SCML1: variants seen among roughly 807,000 people sequenced by gnomAD.
SCML1 encodes sex comb on midleg-like protein 1.
For synonymous variants in SCML1, 104 were observed against 103.6 expected, an observed-to-expected ratio of 1.00 and a Z score of -0.02; for missense variants, 137 against 258.1, an observed-to-expected ratio of 0.53 and a Z score of 3.22.
Position 17,747,182 on chromosome X carries a change from C to T in SCML1, c.198+1084C>T, listed in dbSNP as rs750180958. Among the ~76,000 whole-genome samples the T allele has an allele frequency of 8.1e-5, 9 of 111,743 alleles. No homozygotes were observed. The Admixed American group carries it at 8.5e-4, about 11-fold the overall frequency. ...CCTCATAACTGTCCCCACAGCCAAC[C>T]AACTGCCCTCATCCCTGCCCTTCTT... On this transcript the variant is annotated intron_variant, in intron 4 of 7. Coordinates refer to ENST00000380041, the MANE Select transcript of SCML1 (RefSeq NM_001037540.3).
intron 1 of SCML1, among the ~76,000 whole-genome samples, chrX:17,739,848 CAAAAAAAA>C (rs747850155): frequency 3.0e-5 from 1 of 32,875 alleles, no homozygotes; most frequent in South Asian, 2.0e-3. Context: ...GACTCTGTCT[CAAAAAAAA>C]AAAAAAAAAA....
intron 1 of SCML1, among the ~76,000 whole-genome samples, chrX:17,740,048 A>G (rs1182174978): frequency 9.0e-6 from 1 of 111,220 alleles, no homozygotes; most frequent in Non-Finnish European, 1.9e-5. Flanking sequence ...AGGAATTAAA[A>G]TTTATGGTGT....
Position 17,754,050 on chromosome X carries a change from A to G in SCML1, c.*658A>G, listed in dbSNP as rs774681843. 1 of 112,010 alleles carries G rather than the reference A, an allele frequency of 8.9e-6. No individual in the cohort carries two copies. Among genetic ancestry groups the G allele is most frequent in the East Asian group, 2.8e-4 (1 of 3,594 alleles). The allele number at this position is 112,010 out of a possible 1,213,427, so 9.2% of individuals were successfully genotyped here. The stretch of plus-strand genomic sequence containing the variant: ...AGAATGGTTATTTTATGCAAGAAAT[A>G]TTGTACCGCAAGGGTGGTTTGGATG... On this transcript the variant is annotated 3_prime_UTR_variant, in exon 8 of 8. Coordinates refer to ENST00000380041, the MANE Select transcript of SCML1 (RefSeq NM_001037540.3).
intron 1 of SCML1, among the ~76,000 whole-genome samples, chrX:17,740,571 G>A (rs910783555): frequency 2.7e-5 from 3 of 111,515 alleles, no homozygotes; most frequent in Non-Finnish European, 5.6e-5. Context: ...GGGGAGGTGG[G>A]ACCCAAACCC....
chrX:17,753,222 C>CATTATT (rs2066731704), intron 7 of SCML1, 36 bp from the exon 8 acceptor site: 1 of 1,084,310 alleles, frequency 9.2e-7, no homozygotes, highest in African/African-American at 1.8e-5. Flanking sequence ...AATATGGAAG[C>CATTATT]ATTATTAATT....
chrX:17,738,114 C>A (rs994129044), intron 1 of SCML1: 30 of 112,618 alleles, frequency 2.7e-4, no homozygotes, highest in African/African-American at 9.4e-4. Context: ...ATGGTAACCG[C>A]GTTTGATTTA....
intron 4 of SCML1, among the ~76,000 whole-genome samples, chrX:17,746,614 G>A (rs750077784): frequency 7.1e-5 from 8 of 112,253 alleles, no homozygotes; most frequent in Non-Finnish European, 1.3e-4. Context: ...TATATATAAT[G>A]TTTCTTACCA....
chrX:17,750,797 G>A (rs184518149), intron 6 of SCML1, among the ~76,000 whole-genome samples: 20 of 112,619 alleles, frequency 1.8e-4, no homozygotes, highest in Admixed American at 4.7e-4. Flanking sequence ...GGGAAGAAAG[G>A]GTATGTTTTT....
chrX:17,740,504 CAA>C (rs749105829), intron 1 of SCML1, among the ~76,000 whole-genome samples: 4 of 95,462 alleles, frequency 4.2e-5, no homozygotes, highest in African/African-American at 3.8e-5. Context: ...ATTTTACAGA[CAA>C]AAAAAAAAAA....
rs750746953 is a variant in SCML1 at position 17,750,172 on chromosome X, G to A, written c.582G>A (p.Pro194=). 1.2e-5 allele frequency: 15 copies of A among 1,210,290 alleles called. No homozygotes were observed. The highest frequency in any genetic ancestry group is 2.3e-4 in the Middle Eastern group (1 of 4,376). Residue 194 remains proline, a synonymous_variant, in exon 6 of 8, where the codon CCG becomes CCA. Coordinates refer to ENST00000380041, the MANE Select transcript of SCML1 (RefSeq NM_001037540.3). ...PSDFSEHNCQ[P]YYASDGATYG... is the part of the protein sequence containing the mutation. ...ATTTCTCTGAGCATAATTGTCAGCC[G>A]TATTATGCATCTGATGGTGCAACGT...
intron 1 of SCML1, among the ~76,000 whole-genome samples, chrX:17,739,065 AAATT>A (rs1360712219): frequency 1.8e-5 from 2 of 112,575 alleles, no homozygotes; most frequent in Admixed American, 9.4e-5. Context: ...TTTAAAAGTG[AAATT>A]AATTAATTTC....
At chrX:17,751,450 A>G (rs2066706496) in intron 6 of SCML1, among the ~76,000 whole-genome samples, 1 of 112,573 alleles carries the variant, frequency 8.9e-6, no homozygotes, top group African/African-American at 3.2e-5. Flanking sequence ...GAAGAGAGTC[A>G]TAGGTTAGGT....
At chrX:17,751,083 A>G (rs964448493) in intron 6 of SCML1, among the ~76,000 whole-genome samples, 2 of 112,472 alleles carry the variant, frequency 1.8e-5, no homozygotes, top group Non-Finnish European at 3.8e-5. Context: ...CAAAATCTCT[A>G]TTACTATGCA....
rs1248917379 is a variant in SCML1 at position 17,753,359 on chromosome X, C to T, written c.957C>T (p.Asp319=). ...CTGTGAAGCTATGCTACTACATTGA[C>T]CGACTTAAACAAGGAAAATGCTTTG... is the stretch of plus-strand genomic sequence containing the variant. ...GTAVKLCYYI[D]RLKQGKCFEN The change falls in exon 8 of 8, where the codon GAC becomes GAT. Residue 319 remains aspartate, a synonymous_variant. Coordinates refer to ENST00000380041, the MANE Select transcript of SCML1 (RefSeq NM_001037540.3). 1 of 1,142,360 alleles carries T rather than the reference C, an allele frequency of 8.8e-7. No homozygotes were observed. The allele number at this position is 1,142,360 out of a possible 1,213,427, so 94.1% of individuals were successfully genotyped here.
intron 6 of SCML1, among the ~76,000 whole-genome samples, chrX:17,751,260 G>T (rs1304909322): frequency 8.9e-6 from 1 of 112,167 alleles, no homozygotes; most frequent in Non-Finnish European, 1.9e-5. Flanking sequence ...ACGTGGGGAA[G>T]ATTTGATAAA....
Position 17,746,094 on chromosome X carries a change from G to A in SCML1, c.194G>A (p.Cys65Tyr). The change falls in exon 4 of 8, where the codon TGC (cysteine) becomes TAC (tyrosine). Residue 65 changes from cysteine to tyrosine, a missense_variant. Coordinates refer to ENST00000380041, the MANE Select transcript of SCML1 (RefSeq NM_001037540.3). Reference sequence around the variant, plus strand: ...ACAGTTGATGATGTCCTTATTCATTGCCAGGTATGGAAGTTCTGTCTCTTC... The same window carrying A: ...ACAGTTGATGATGTCCTTATTCATTACCAGGTATGGAAGTTCTGTCTCTTC... ...LKTVDDVLIH[C>Y]QVIYDALQNL... 8.9e-7 allele frequency: 1 copy of A among 1,129,363 alleles called. No individual in the cohort carries two copies. The highest frequency in any genetic ancestry group is 1.2e-6 in the Non-Finnish European group (1 of 832,156). The allele number at this position is 1,129,363 out of a possible 1,213,427, so 93.1% of individuals were successfully genotyped here. A position where few individuals can be genotyped will look rare whatever the true frequency, so the allele number is the denominator to read the frequency against.
At position 17,744,059 on chromosome X, in the gene SCML1, G is replaced by A. The variant is rs769170933; in HGVS notation, c.-116-12G>A. 6 of 513,644 alleles carry A rather than the reference G, an allele frequency of 1.2e-5. No homozygotes were observed. The highest frequency in any genetic ancestry group is 7.1e-5 in the East Asian group (2 of 28,214). The allele number at this position is 513,644 out of a possible 1,213,427, so 42.3% of individuals were successfully genotyped here. On this transcript the variant is annotated splice_polypyrimidine_tract_variant and intron_variant, in intron 1 of 7. Transcript: ENST00000380041. Reference sequence around the variant, plus strand: ...AGTGTATGAAGTAACTTTTTTATGCGTTGCTTTTCAGGAGTAGAGGTTTAC... The same window carrying A: ...AGTGTATGAAGTAACTTTTTTATGCATTGCTTTTCAGGAGTAGAGGTTTAC...
chrX:17,740,054 GGT>G (rs1483660999), intron 1 of SCML1, among the ~76,000 whole-genome samples: 1 of 111,115 alleles, frequency 9.0e-6, no homozygotes. Context: ...TAAAATTTAT[GGT>G]GTGTCTACTA....
At chrX:17,753,136 G>T in intron 7 of SCML1, 122 bp from the exon 8 acceptor site, 1 of 459,290 alleles carries the variant, frequency 2.2e-6, no homozygotes, top group South Asian at 9.4e-5. Flanking sequence ...CGCATATTCA[G>T]AGAATATACA....
Sources: gnomAD v4.1 joint callset for allele counts (sites outside exome capture counted in the v4.1 genomes callset) on GRCh38, gnomAD v4.1.1 for gene constraint, MANE v1.5 for transcripts, NCBI Gene and HGNC (gene_info 2026-07-23, HGNC 2026-07-21) for gene names.